Variants in GRM7 observed in about 807,000 individuals in gnomAD.
GRM7 encodes the protein metabotropic glutamate receptor 7.
GRM7 carries 35 observed loss-of-function variants against 84.5 expected under a neutral mutation model. That is an observed-to-expected ratio of 0.41 (90% CI 0.32 to 0.55). The LOEUF (loss-of-function observed/expected upper bound fraction) is 0.55, where lower values mean the gene tolerates loss of function less well. GRM7 is among the 20% of genes least tolerant of loss of function. The pLI, the probability that GRM7 is intolerant of heterozygous loss-of-function variation, is 0.19. For missense variants in GRM7, 1,003 were observed against 1,194.6 expected (o/e 0.84, Z 2.36); for synonymous variants, 487 against 455.1 (o/e 1.07, Z -0.89).
At chr3:7,642,277 AC>A (rs1698398565) in intron 8 of GRM7, among the ~76,000 whole-genome samples, 1 of 152,116 alleles carries the variant, frequency 6.6e-6, no homozygotes, top group Non-Finnish European at 1.5e-5. Context: ...AAATTTCAAA[AC>A]TTTAGAGAGG....
At chr3:7,310,552 GAA>G (rs746895846) in intron 4 of GRM7, among the ~76,000 whole-genome samples, 1 of 151,698 alleles carries the variant, frequency 6.6e-6, no homozygotes, top group African/African-American at 2.4e-5. Context: ...GGTGAATGGG[GAA>G]AAAAAATGAG....
chr3:7,103,813 T>TCC (rs1699201901), intron 1 of GRM7, among the ~76,000 whole-genome samples: 1 of 102,892 alleles, frequency 9.7e-6, no homozygotes, highest in African/African-American at 6.2e-5. Context: ...TTTCTTTCTT[T>TCC]CTTTCTCTCT....
chr3:7,027,881 T>C (rs943347896), intron 1 of GRM7, among the ~76,000 whole-genome samples: 5 of 152,128 alleles, frequency 3.3e-5, no homozygotes, highest in African/African-American at 1.2e-4. Flanking sequence ...ACATGGATGG[T>C]TTTTTCCATC....
intron 1 of GRM7, among the ~76,000 whole-genome samples, chr3:7,070,741 T>A (rs1697846476): frequency 6.6e-6 from 1 of 152,070 alleles, no homozygotes; most frequent in African/African-American, 2.4e-5. Context: ...TTTTTTTCTT[T>A]ATCTTTGTGA....
Position 7,579,060 on chromosome 3 carries a change from C to G in GRM7, c.2154C>G (p.Phe718Leu). 3.1e-6 allele frequency: 5 copies of G among 1,614,080 alleles called. No homozygotes were observed. The highest frequency in any genetic ancestry group is 4.2e-6 in the Non-Finnish European group (5 of 1,180,000). ...TATCAGTTCAGCTTCTAGGGGTGTT[C>G]ATTTGGTTTGGTGTTGATCCACCCA... ...SLISVQLLGVFIWFGVDPPNI... is the reference protein window; with the variant it reads ...SLISVQLLGVLIWFGVDPPNI... The change falls in exon 8 of 10, where the codon TTC becomes TTG. Residue 718 changes from phenylalanine to leucine, a missense_variant. By Grantham distance (22) the Phe-to-Leu change is conservative. Around this residue, in one of 2 missense-constraint regions of GRM7, gnomAD observed 910 missense variants for 1,126.0 expected, o/e 0.81. Transcript: ENST00000357716.
intron 1 of GRM7, among the ~76,000 whole-genome samples, chr3:7,118,266 C>T (rs143256109): frequency 2.2e-3 from 333 of 151,810 alleles, no homozygotes; most frequent in African/African-American, 7.5e-3. Context: ...TTGTATGCAT[C>T]TGTAGTCCCA....
intron 4 of GRM7, among the ~76,000 whole-genome samples, chr3:7,324,299 A>C (rs1700898967): frequency 6.6e-6 from 1 of 152,224 alleles, no homozygotes; most frequent in Non-Finnish European, 1.5e-5. Context: ...TTAATGTCAT[A>C]GGTTCATTTA....
At chr3:7,384,808 C>G (rs373333909) in intron 4 of GRM7, among the ~76,000 whole-genome samples, 1 of 152,122 alleles carries the variant, frequency 6.6e-6, no homozygotes, top group African/African-American at 2.4e-5. Context: ...GATTGGGGAG[C>G]TTTTACAAGG....
intron 8 of GRM7, chr3:7,636,242 C>T: frequency 2.2e-6 from 1 of 456,638 alleles, no homozygotes; most frequent in South Asian, 1.5e-5. Context: ...TTCTCTTACC[C>T]CACTTCCCAG....
intron 4 of GRM7, among the ~76,000 whole-genome samples, chr3:7,326,350 T>G (rs1188915414): frequency 6.6e-6 from 1 of 152,060 alleles, no homozygotes; most frequent in Non-Finnish European, 1.5e-5. Flanking sequence ...GTGAGTTACT[T>G]TTATGTTCTT....
chr3:6,872,053 C>T (rs915483241), intron 1 of GRM7, among the ~76,000 whole-genome samples: 4 of 152,052 alleles, frequency 2.6e-5, no homozygotes, highest in Non-Finnish European at 4.4e-5. Flanking sequence ...AAATGAATGA[C>T]AGGCATGAGA....
intron 1 of GRM7, among the ~76,000 whole-genome samples, chr3:6,950,595 A>T (rs1692710316): frequency 6.6e-6 from 1 of 152,186 alleles, no homozygotes; most frequent in African/African-American, 2.4e-5. Context: ...TCAGACAGGG[A>T]CATTTAAGTC....
intron 2 of GRM7, among the ~76,000 whole-genome samples, chr3:7,181,985 C>T (rs1467342732): frequency 6.6e-6 from 1 of 152,134 alleles, no homozygotes; most frequent in East Asian, 1.9e-4. Flanking sequence ...ATAATTAAAT[C>T]TAATTAACAA....
At chr3:6,938,794 T>C (rs1697783360) in intron 1 of GRM7, among the ~76,000 whole-genome samples, 1 of 152,184 alleles carries the variant, frequency 6.6e-6, no homozygotes, top group East Asian at 1.9e-4. Context: ...AGACTGGTTG[T>C]AATGGAGGTA....
chr3:7,547,337 G>C (rs59280259), intron 7 of GRM7, among the ~76,000 whole-genome samples: 7,896 of 150,286 alleles, frequency 0.053, 656 homozygotes, highest in African/African-American at 0.18. Flanking sequence ...CTCCCAAGTA[G>C]CTGGGACTAC....
intron 9 of GRM7, among the ~76,000 whole-genome samples, chr3:7,731,929 G>A (rs1702346427): frequency 6.6e-6 from 1 of 151,982 alleles, no homozygotes; most frequent in Admixed American, 6.6e-5. Context: ...CTGTTACCTG[G>A]CCACTCCCAC....
chr3:7,412,767 A>G (rs1695996864), intron 4 of GRM7, among the ~76,000 whole-genome samples: 1 of 150,868 alleles, frequency 6.6e-6, no homozygotes, highest in South Asian at 2.1e-4. Context: ...AAAAGGAACA[A>G]TTTCATAATA....
At chr3:7,391,772 AC>A (rs147274065) in intron 4 of GRM7, among the ~76,000 whole-genome samples, 49,355 of 150,428 alleles carry the variant, frequency 0.33, 9,172 homozygotes, top group Non-Finnish European at 0.43. Context: ...TGGAAAAAAA[AC>A]AAGAGCTGGC....
At chr3:7,493,275 C>T (rs550857631) in intron 7 of GRM7, among the ~76,000 whole-genome samples, 14 of 152,084 alleles carry the variant, frequency 9.2e-5, no homozygotes, top group Admixed American at 2.0e-4. Flanking sequence ...AACTCTTCAG[C>T]TGTAATTGTG....
Sources: gnomAD v4.1 joint callset for allele counts (sites outside exome capture counted in the v4.1 genomes callset) on GRCh38, gnomAD v4.1.1 for gene constraint, gnomAD v4.1.1 regional missense constraint, MANE v1.5 for transcripts, NCBI Gene and HGNC (gene_info 2026-07-23, HGNC 2026-07-21) for gene names.